The following ADAM12 variants were observed in gnomAD, a reference collection of about 807,000 sequenced individuals.
The protein encoded by ADAM12 is ADAM metallopeptidase domain 12, also known as disintegrin and metalloproteinase domain-containing protein 12.
Under a neutral mutation model 106.4 loss-of-function variants are expected in ADAM12, and 70 were observed. The ratio of observed to expected loss-of-function variants is 0.66; its 90% CI spans 0.54 to 0.80. The LOEUF (loss-of-function observed/expected upper bound fraction) is 0.80, where lower values mean the gene tolerates loss of function less well. Among genes scored for constraint, ADAM12 ranks in the 30% least tolerant of loss-of-function variants. The probability of loss-of-function intolerance (pLI) is 0.00; values close to 1 mark genes in which losing one functional copy is unlikely to be tolerated. For missense variants in ADAM12, 1,010 were observed against 1,171.9 expected (o/e 0.86, Z 2.02); for synonymous variants, 420 against 433.5 (o/e 0.97, Z 0.39).
chr10:126,119,506 T>C (rs114088440), intron 5 of ADAM12, among the ~76,000 whole-genome samples: 126 of 152,364 alleles, frequency 8.3e-4, no homozygotes, highest in African/African-American at 2.9e-3. Context: ...GAAAGTTCTG[T>C]ATTTTGTTAA....
intron 21 of ADAM12, among the ~76,000 whole-genome samples, chr10:126,029,743 TGAAAAA>T (rs1157477921): frequency 6.6e-6 from 1 of 152,182 alleles, no homozygotes; most frequent in East Asian, 1.9e-4. Flanking sequence ...AGGCAGTTCA[TGAAAAA>T]GAAAATCTTA....
chr10:126,171,685 G>C (rs1257471249), intron 3 of ADAM12, among the ~76,000 whole-genome samples: 1 of 152,110 alleles, frequency 6.6e-6, no homozygotes, highest in Non-Finnish European at 1.5e-5. Flanking sequence ...GATGGGCTTT[G>C]GCCAGAAAAA....
chr10:126,023,176 C>T (rs150100398), intron 21 of ADAM12, among the ~76,000 whole-genome samples: 11 of 152,236 alleles, frequency 7.2e-5, no homozygotes, highest in Middle Eastern at 3.4e-3. Context: ...TGTGCAAATT[C>T]GGTCTACCTC....
intron 3 of ADAM12, among the ~76,000 whole-genome samples, chr10:126,259,875 TG>T (rs1481490603): frequency 6.6e-6 from 1 of 152,192 alleles, no homozygotes; most frequent in Non-Finnish European, 1.5e-5. Context: ...AGCTCATGGA[TG>T]GTGATAGGGA....
chr10:126,141,008 C>T (rs1292880317), intron 4 of ADAM12, among the ~76,000 whole-genome samples: 2 of 152,222 alleles, frequency 1.3e-5, no homozygotes, highest in South Asian at 4.1e-4. Context: ...CTGTGCCCTG[C>T]CCAAGGGTGC....
At chr10:126,295,554 C>CACACACACAT (rs1365285028) in intron 2 of ADAM12, among the ~76,000 whole-genome samples, 2 of 151,722 alleles carry the variant, frequency 1.3e-5, no homozygotes, top group East Asian at 1.9e-4. Flanking sequence ...CACATACACA[C>CACACACACAT]ACACACACAC....
intron 4 of ADAM12, among the ~76,000 whole-genome samples, chr10:126,144,014 C>T (rs765081789): frequency 1.4e-4 from 22 of 152,090 alleles, no homozygotes; most frequent in Non-Finnish European, 2.9e-4. Flanking sequence ...AATAAGTCAC[C>T]ACACCCATCC....
intron 3 of ADAM12, among the ~76,000 whole-genome samples, chr10:126,229,549 T>C (rs1370143480): frequency 6.6e-6 from 1 of 152,096 alleles, no homozygotes; most frequent in Admixed American, 6.6e-5. Context: ...AAATATTAAT[T>C]AGCATTGAAT....
chr10:126,082,370 T>TTTTTTTG (rs1554966462), intron 11 of ADAM12, among the ~76,000 whole-genome samples: 16 of 143,090 alleles, frequency 1.1e-4, no homozygotes, highest in African/African-American at 4.0e-4. Flanking sequence ...ACTGTTTTTT[T>TTTTTTTG]TTTTTTTTTT....
intron 10 of ADAM12, among the ~76,000 whole-genome samples, chr10:126,096,486 T>G (rs73378608): frequency 0.023 from 3,551 of 152,354 alleles, 134 homozygotes; most frequent in African/African-American, 0.08. Context: ...AATTAATGAT[T>G]TGCTCTATAT....
chr10:126,271,767 A>C (rs1325160049), intron 3 of ADAM12, among the ~76,000 whole-genome samples: 2 of 152,226 alleles, frequency 1.3e-5, no homozygotes, highest in African/African-American at 4.8e-5. Flanking sequence ...CCCTGTCTCA[A>C]ACAAATGAAA....
chr10:126,055,254 C>T (rs1036270093), intron 14 of ADAM12, among the ~76,000 whole-genome samples: 4 of 152,176 alleles, frequency 2.6e-5, no homozygotes, highest in Non-Finnish European at 2.9e-5. Flanking sequence ...TCCAGACTCC[C>T]CCTGAGTCAG....
chr10:126,137,884 T>A (rs1477623218), intron 4 of ADAM12, among the ~76,000 whole-genome samples: 1 of 152,228 alleles, frequency 6.6e-6, no homozygotes, highest in East Asian at 1.9e-4. Flanking sequence ...CCAGTTCTCT[T>A]GGATATGCAC....
At chr10:126,052,717 C>G (rs1710288) in intron 14 of ADAM12, among the ~76,000 whole-genome samples, 61,963 of 151,906 alleles carry the variant, frequency 0.41, 12,949 homozygotes, top group East Asian at 0.51. Context: ...GGATTGAAGA[C>G]GCTGCAAATG....
chr10:126,206,604 T>G (rs927074561), intron 3 of ADAM12, among the ~76,000 whole-genome samples: 1 of 152,174 alleles, frequency 6.6e-6, no homozygotes, highest in African/African-American at 2.4e-5. Flanking sequence ...TACGGGATGT[T>G]TATCTGTATC....
intron 6 of ADAM12, among the ~76,000 whole-genome samples, chr10:126,115,823 G>A (rs190459920): frequency 7.9e-5 from 12 of 152,246 alleles, no homozygotes; most frequent in South Asian, 4.1e-4. Context: ...CATATTTACC[G>A]TAGGTGCTAA....
At chr10:126,163,848 G>A (rs1956979305) in intron 3 of ADAM12, among the ~76,000 whole-genome samples, 1 of 152,212 alleles carries the variant, frequency 6.6e-6, no homozygotes, top group Admixed American at 6.5e-5. Context: ...TAGAAGAAGT[G>A]CTTCATAAAT....
chr10:126,336,954 G>A (rs975937430), intron 1 of ADAM12, among the ~76,000 whole-genome samples: 2 of 152,178 alleles, frequency 1.3e-5, no homozygotes, highest in Non-Finnish European at 2.9e-5. Flanking sequence ...AGTGGAGCTG[G>A]GCTATGGAAC....
chr10:126,140,081 A>C (rs1956482442), intron 4 of ADAM12, among the ~76,000 whole-genome samples: 1 of 152,194 alleles, frequency 6.6e-6, no homozygotes, highest in Non-Finnish European at 1.5e-5. Flanking sequence ...GACAATGCAG[A>C]GAGTGAAAGG....
Sources: gnomAD v4.1 joint callset for allele counts (sites outside exome capture counted in the v4.1 genomes callset) on GRCh38, gnomAD v4.1.1 for gene constraint, MANE v1.5 for transcripts, NCBI Gene and HGNC (gene_info 2026-07-23, HGNC 2026-07-21) for gene names.